The following ANAPC10 variants were observed in gnomAD, a reference collection of about 807,000 sequenced individuals.
ANAPC10 encodes anaphase promoting complex subunit 10, also known as anaphase-promoting complex subunit 10.
A neutral mutation model predicts 22.0 loss-of-function variants in ANAPC10; 12 were observed. The observed-to-expected ratio is 0.55, with a 90% CI of 0.35 to 0.88. The LOEUF is 0.88. Ranked by LOEUF, ANAPC10 falls within the 40% of genes least tolerant of loss-of-function variation. The probability of loss-of-function intolerance (pLI) is 0.01; values close to 1 mark genes in which losing one functional copy is unlikely to be tolerated. For synonymous variants in ANAPC10, 65 were observed against 69.5 expected, an observed-to-expected ratio of 0.94 and a Z score of 0.32; for missense variants, 188 against 220.9, an observed-to-expected ratio of 0.85 and a Z score of 0.94.
At chr4:145,028,822 G>A (rs1056902838) in intron 4 of ANAPC10, among the ~76,000 whole-genome samples, 1 of 152,170 alleles carries the variant, frequency 6.6e-6, no homozygotes, top group Admixed American at 6.5e-5. Flanking sequence ...AATGAAGCTG[G>A]TTGGTTGCTC....
At chr4:145,008,477 G>C (rs1009584579) in intron 4 of ANAPC10, among the ~76,000 whole-genome samples, 1 of 152,174 alleles carries the variant, frequency 6.6e-6, no homozygotes, top group Non-Finnish European at 1.5e-5. Context: ...ACATCAAAAA[G>C]CTTACCCACC....
At chr4:145,087,977 G>A (rs1747139791) in intron 2 of ANAPC10, among the ~76,000 whole-genome samples, 1 of 152,136 alleles carries the variant, frequency 6.6e-6, no homozygotes, top group Non-Finnish European at 1.5e-5. Flanking sequence ...GAACCCGGGA[G>A]GTGGAGGTTG....
At chr4:145,028,811 T>A (rs1737120621) in intron 4 of ANAPC10, among the ~76,000 whole-genome samples, 1 of 152,130 alleles carries the variant, frequency 6.6e-6, no homozygotes, top group Non-Finnish European at 1.5e-5. Flanking sequence ...CCAAGGAACA[T>A]AATGAAGCTG....
chr4:145,014,549 G>GC (rs1022208532), intron 4 of ANAPC10, among the ~76,000 whole-genome samples: 3 of 151,978 alleles, frequency 2.0e-5, no homozygotes, highest in South Asian at 2.1e-4. Flanking sequence ...GGAGTTCTAG[G>GC]CCCCCCGCCC....
At chr4:145,032,932 T>TCA (rs1468692182) in intron 4 of ANAPC10, 1 of 152,268 alleles carries the variant, frequency 6.6e-6, no homozygotes, top group Non-Finnish European at 1.5e-5. Context: ...AACCGTGGAC[T>TCA]CACAGAATGC....
At chr4:145,023,608 T>C (rs896528391) in intron 4 of ANAPC10, among the ~76,000 whole-genome samples, 1 of 152,190 alleles carries the variant, frequency 6.6e-6, no homozygotes, top group African/African-American at 2.4e-5. Context: ...AAATAAAAGC[T>C]GTGTTACACT....
rs537403752 is a variant in ANAPC10, at chr4:145,062,254, C to G, written c.327+2318G>C. ...GAAATGTTTTTAAATTAAAAGAAAA[C>G]TAATTTACAACAATTTTTCAATTTT... On this transcript the variant is annotated intron_variant, in intron 4 of 4. Coordinates refer to ENST00000507656, the MANE Select transcript of ANAPC10 (RefSeq NM_001256706.2). Among the ~76,000 whole-genome samples the G allele has an allele frequency of 4.6e-5, 7 of 152,188 alleles. No individual in the cohort carries two copies. The East Asian group carries it at 1.3e-3, about 29-fold the overall frequency.
chr4:145,022,936 CAT>C lies in ANAPC10; in HGVS notation c.328-27335_328-27334del, dbSNP rs1175112091. Among the ~76,000 whole-genome samples the C allele has an allele frequency of 4.6e-5, 7 of 151,982 alleles. No individual in the cohort carries two copies. In the East Asian group the frequency reaches 1.4e-3, roughly 29 times the overall value. ...CTGTGCACAACATGCAGGTTTGTTACATATGTTTACATGTGCCATGTTGGTGT... is the reference window on the plus strand; with the variant it reads ...CTGTGCACAACATGCAGGTTTGTTACATGTTTACATGTGCCATGTTGGTGT... On this transcript the variant is annotated intron_variant, in intron 4 of 4. Coordinates refer to ENST00000507656, the MANE Select transcript of ANAPC10 (RefSeq NM_001256706.2).
At chr4:145,002,146 GA>G (rs1732675132) in intron 4 of ANAPC10, among the ~76,000 whole-genome samples, 1 of 152,142 alleles carries the variant, frequency 6.6e-6, no homozygotes, top group African/African-American at 2.4e-5. Flanking sequence ...GTCAACACAT[GA>G]AGCAGCAGAT....
chr4:145,065,108 T>C (rs1189922263), intron 3 of ANAPC10, among the ~76,000 whole-genome samples: 1 of 151,998 alleles, frequency 6.6e-6, no homozygotes, highest in Non-Finnish European at 1.5e-5. Context: ...TGAAAATAAC[T>C]AGCTAAGTGA....
chr4:145,036,298 C>A (rs1012032451), intron 4 of ANAPC10, among the ~76,000 whole-genome samples: 12 of 152,140 alleles, frequency 7.9e-5, no homozygotes, highest in South Asian at 2.1e-4. Context: ...ATGATTAGAT[C>A]ACAGCTTTAA....
At chr4:145,077,858 T>C (rs1745411872) in intron 3 of ANAPC10, among the ~76,000 whole-genome samples, 1 of 152,104 alleles carries the variant, frequency 6.6e-6, no homozygotes, top group Admixed American at 6.5e-5. Context: ...AACTAGGCAT[T>C]GAAGGATCAT....
At chr4:145,019,589 C>A (rs1478820576) in intron 4 of ANAPC10, among the ~76,000 whole-genome samples, 1 of 151,848 alleles carries the variant, frequency 6.6e-6, no homozygotes, top group Admixed American at 6.6e-5. Context: ...AAGGAAATGA[C>A]CAAGATCAGA....
intron 2 of ANAPC10, among the ~76,000 whole-genome samples, chr4:145,083,348 T>C (rs1378304546): frequency 6.6e-6 from 1 of 152,190 alleles, no homozygotes; most frequent in African/African-American, 2.4e-5. Flanking sequence ...CTGCAGAACA[T>C]TTAGGTTGTT....
At chr4:145,085,962 C>G (rs1746832822) in intron 2 of ANAPC10, among the ~76,000 whole-genome samples, 1 of 151,700 alleles carries the variant, frequency 6.6e-6, no homozygotes, top group Admixed American at 6.6e-5. Context: ...CTCCTGGGTT[C>G]AAGCAATTCC....
At chr4:145,065,920 T>C (rs1056862504) in intron 3 of ANAPC10, among the ~76,000 whole-genome samples, 3 of 152,054 alleles carry the variant, frequency 2.0e-5, no homozygotes, top group Admixed American at 6.6e-5. Context: ...TTCTTCTTTA[T>C]GATTTTTAAA....
At chr4:145,044,356 C>G (rs1183871391) in intron 4 of ANAPC10, among the ~76,000 whole-genome samples, 1 of 151,954 alleles carries the variant, frequency 6.6e-6, no homozygotes, top group Non-Finnish European at 1.5e-5. Flanking sequence ...AAAGACAGTA[C>G]TTTTTAGAGA....
intron 3 of ANAPC10, among the ~76,000 whole-genome samples, chr4:145,069,768 T>A (rs986213566): frequency 9.2e-5 from 14 of 152,142 alleles, no homozygotes; most frequent in Admixed American, 9.2e-4. Flanking sequence ...CTTATGAGTA[T>A]GTAGTAGAGT....
chr4:145,002,341 G>A (rs1385253071), intron 4 of ANAPC10, among the ~76,000 whole-genome samples: 1 of 152,096 alleles, frequency 6.6e-6, no homozygotes, highest in Non-Finnish European at 1.5e-5. Context: ...CAACTCAAAA[G>A]GCTCACTATG....
Sources: allele counts gnomAD v4.1 joint callset (sites outside exome capture counted in the v4.1 genomes callset), GRCh38; gene constraint gnomAD v4.1.1; transcripts MANE v1.5; gene names NCBI Gene and HGNC (gene_info 2026-07-23, HGNC 2026-07-21).